The following SLC12A2 variants were observed in gnomAD, a reference collection of about 807,000 sequenced individuals.
SLC12A2 encodes solute carrier family 12 member 2, also known as Na-K-2Cl cotransporter 1.
A neutral mutation model predicts 136.3 loss-of-function variants in SLC12A2; 67 were observed. That is an observed-to-expected ratio of 0.49 (90% CI 0.40 to 0.60). The LOEUF is 0.60. Ranked by LOEUF, SLC12A2 falls within the 20% of genes least tolerant of loss-of-function variation. The pLI, the probability that SLC12A2 is intolerant of heterozygous loss-of-function variation, is 0.00. For synonymous variants in SLC12A2, 619 were observed against 562.9 expected (o/e 1.10, Z -1.41); for missense variants, 1,322 against 1,534.7 (o/e 0.86, Z 2.32).
chr5:128,097,085 A>G (rs1056734377), intron 1 of SLC12A2, among the ~76,000 whole-genome samples: 2 of 152,094 alleles, frequency 1.3e-5, no homozygotes, highest in African/African-American at 2.4e-5. Flanking sequence ...AAGCCTTCCT[A>G]GAATATTAGA....
intron 1 of SLC12A2, among the ~76,000 whole-genome samples, chr5:128,091,064 G>C (rs1228016900): frequency 6.6e-6 from 1 of 152,108 alleles, no homozygotes; most frequent in Admixed American, 6.5e-5. Context: ...CAGGAAACCA[G>C]TTAGAAGCCT....
intron 20 of SLC12A2, among the ~76,000 whole-genome samples, chr5:128,175,628 C>T (rs10477682): frequency 0.039 from 5,876 of 151,856 alleles, 169 homozygotes; most frequent in Non-Finnish European, 0.056. Flanking sequence ...ACTCCGTGCA[C>T]CCAACATTAT....
In SLC12A2 at chr5:128,187,658, T is replaced by C. The variant is rs565979912; in HGVS notation, c.*1027T>C. On this transcript the variant is annotated 3_prime_UTR_variant, in exon 27 of 27. Transcript: ENST00000262461. ...ATGGTTAAATGGACCACTGGTTTCT[T>C]AGAGAAATGTTTTTAGGCTTAATTC... 2 of 152,724 alleles carry C rather than the reference T, an allele frequency of 1.3e-5. No individual in the cohort carries two copies. Among genetic ancestry groups the C allele is most frequent in the South Asian group, 2.1e-4 (1 of 4,824 alleles). 9.5% of individuals were successfully genotyped at this position (152,724 alleles called of 1,614,324 possible).
chr5:128,101,192 A>G (rs1006849869), intron 1 of SLC12A2, among the ~76,000 whole-genome samples: 6 of 152,176 alleles, frequency 3.9e-5, no homozygotes, highest in Non-Finnish European at 7.4e-5. Flanking sequence ...GACAGCACGG[A>G]TAGGAAATGT....
intron 10 of SLC12A2, among the ~76,000 whole-genome samples, chr5:128,143,202 T>G (rs1241819297): frequency 1.3e-5 from 2 of 152,180 alleles, no homozygotes; most frequent in Non-Finnish European, 2.9e-5. Context: ...TTTATTTTGC[T>G]CAATTTAAAC....
chr5:128,117,578 A>G (rs933291780), intron 4 of SLC12A2, among the ~76,000 whole-genome samples: 10 of 152,224 alleles, frequency 6.6e-5, no homozygotes, highest in African/African-American at 2.4e-4. Flanking sequence ...CCAACTTTGT[A>G]TGGTTCAAAG....
intron 2 of SLC12A2, 86 bp downstream of exon 2, chr5:128,113,019 A>G (rs1761212043): frequency 1.6e-6 from 2 of 1,222,234 alleles, no homozygotes; most frequent in South Asian, 2.1e-5. Context: ...TTCTCAAGAG[A>G]ACTCTTTTTT....
intron 9 of SLC12A2, among the ~76,000 whole-genome samples, chr5:128,141,612 C>G (rs929987107): frequency 2.0e-5 from 3 of 152,236 alleles, no homozygotes; most frequent in Middle Eastern, 3.4e-3. Flanking sequence ...AAATACTATT[C>G]TTTATAAAAG....
chr5:128,088,039 GTC>G (rs1491396935), intron 1 of SLC12A2, among the ~76,000 whole-genome samples: 69 of 151,264 alleles, frequency 4.6e-4, no homozygotes, highest in Admixed American at 4.0e-4. Flanking sequence ...GTGTGTGTGT[GTC>G]TGTATATAAA....
chr5:128,155,402 C>G (rs76347475), intron 15 of SLC12A2, among the ~76,000 whole-genome samples: 1 of 152,060 alleles, frequency 6.6e-6, no homozygotes, highest in East Asian at 1.9e-4. Context: ...CCCATCCTCC[C>G]AATACATTTT....
At chr5:128,177,294 AATT>A (rs778857287) in intron 21 of SLC12A2, 142 bp downstream of exon 21, 10 of 541,734 alleles carry the variant, frequency 1.8e-5, no homozygotes, top group East Asian at 3.6e-5. Context: ...AGATTAGAAA[AATT>A]ATTATTAGTC....
intron 10 of SLC12A2, among the ~76,000 whole-genome samples, chr5:128,144,072 G>A (rs2126715161): frequency 6.6e-6 from 1 of 152,114 alleles, no homozygotes; most frequent in Non-Finnish European, 1.5e-5. Flanking sequence ...TTCATGTCCA[G>A]CTAATGATTC....
Position 128,150,580 on chromosome 5 carries a change from A to G in SLC12A2, c.2107+482A>G, listed in dbSNP as rs138755095. Among the ~76,000 whole-genome samples, 13 of 151,948 alleles carry G rather than the reference A, an allele frequency of 8.6e-5. No homozygotes were observed. The East Asian group carries it at 2.1e-3, about 25-fold the overall frequency. ...ATAAAGTATGAGAACTTTGGACACAAACATTCTAACATCAGGTTTTTACTT... is the reference window on the plus strand; with the variant it reads ...ATAAAGTATGAGAACTTTGGACACAGACATTCTAACATCAGGTTTTTACTT... On this transcript the variant is annotated intron_variant, in intron 13 of 26. Coordinates refer to ENST00000262461, the MANE Select transcript of SLC12A2 (RefSeq NM_001046.3).
intron 1 of SLC12A2, chr5:128,110,165 G>T: frequency 2.4e-6 from 2 of 832,006 alleles, no homozygotes; most frequent in Non-Finnish European, 4.3e-6. Flanking sequence ...AGGTGAAGAT[G>T]CCAGATGTAG....
At chr5:128,135,972 A>G (rs965266508) in intron 7 of SLC12A2, among the ~76,000 whole-genome samples, 164 bp downstream of exon 7, 1 of 152,112 alleles carries the variant, frequency 6.6e-6, no homozygotes, top group Non-Finnish European at 1.5e-5. Flanking sequence ...GTACAGTTGG[A>G]GTAAAAATTA....
At chr5:128,114,377 C>A (rs1243071779) in intron 3 of SLC12A2, 90 bp downstream of exon 3, 2 of 989,904 alleles carry the variant, frequency 2.0e-6, no homozygotes, top group East Asian at 2.4e-5. Flanking sequence ...AAATTAGAGT[C>A]ATTTTTAACT....
chr5:128,098,512 G>A (rs1760625594), intron 1 of SLC12A2, among the ~76,000 whole-genome samples: 1 of 150,078 alleles, frequency 6.7e-6, no homozygotes, highest in South Asian at 2.1e-4. Context: ...TTTCTTGAGT[G>A]TGTGTTACAT....
At chr5:128,152,587 G>A in intron 14 of SLC12A2, 119 bp from the exon 15 acceptor site, 1 of 701,446 alleles carries the variant, frequency 1.4e-6, no homozygotes, top group Non-Finnish European at 2.7e-6. Flanking sequence ...GTACAATAGT[G>A]TATTTCAGCA....
intron 5 of SLC12A2, among the ~76,000 whole-genome samples, chr5:128,131,485 A>C (rs1762021411): frequency 6.6e-6 from 1 of 151,362 alleles, no homozygotes; most frequent in African/African-American, 2.4e-5. Flanking sequence ...CGAGGTCAGG[A>C]GATCGAGACC....
Sources: gnomAD v4.1 joint callset for allele counts (sites outside exome capture counted in the v4.1 genomes callset) on GRCh38, gnomAD v4.1.1 for gene constraint, MANE v1.5 for transcripts, NCBI Gene and HGNC (gene_info 2026-07-23, HGNC 2026-07-21) for gene names.